MTHFD1: variants seen among roughly 807,000 people sequenced by gnomAD.
MTHFD1 encodes C-1-tetrahydrofolate synthase, cytoplasmic.
Under a neutral mutation model 110.3 loss-of-function variants are expected in MTHFD1, and 44 were observed. The ratio of observed to expected loss-of-function variants is 0.40; its 90% CI spans 0.31 to 0.51. The LOEUF (loss-of-function observed/expected upper bound fraction) is 0.51, where lower values mean the gene tolerates loss of function less well. MTHFD1 is among the 20% of genes least tolerant of loss of function. The pLI, the probability that MTHFD1 is intolerant of heterozygous loss-of-function variation, is 0.60. For missense variants in MTHFD1, 909 were observed against 1,173.1 expected (o/e 0.77, Z 3.29); for synonymous variants, 402 against 428.8 (o/e 0.94, Z 0.77).
chr14:64,411,627 C>T (rs761942845), intron 3 of MTHFD1, among the ~76,000 whole-genome samples: 18 of 152,170 alleles, frequency 1.2e-4, no homozygotes, highest in Non-Finnish European at 1.8e-4. Flanking sequence ...TGGCCGGACG[C>T]GGTGGCTCAC....
intron 16 of MTHFD1, among the ~76,000 whole-genome samples, chr14:64,435,952 A>T (rs2078203003): frequency 1.3e-5 from 2 of 152,242 alleles, no homozygotes; most frequent in Non-Finnish European, 2.9e-5. Context: ...CACATTTTAC[A>T]AATTTAATTT....
intron 18 of MTHFD1, chr14:64,440,934 G>A: frequency 3.7e-6 from 1 of 269,628 alleles, no homozygotes; most frequent in Non-Finnish European, 7.2e-6. Flanking sequence ...GCTCATGCCT[G>A]TAATCCCAGC....
intron 2 of MTHFD1, among the ~76,000 whole-genome samples, chr14:64,404,144 TG>T (rs1397515522): frequency 6.6e-6 from 1 of 152,244 alleles, no homozygotes; most frequent in Non-Finnish European, 1.5e-5. Flanking sequence ...CAAGAGTGTG[TG>T]GGCCACATTA....
intron 1 of MTHFD1, among the ~76,000 whole-genome samples, chr14:64,398,184 T>G (rs1266509776): frequency 6.6e-6 from 1 of 152,018 alleles, no homozygotes; most frequent in African/African-American, 2.4e-5. Context: ...ATTCCAATGG[T>G]CTATTCTTCT....
chr14:64,415,699 T>C lies in MTHFD1; in HGVS notation c.438T>C (p.Pro146=). The stretch of plus-strand genomic sequence containing the variant: ...GTGACCTCAATGACTGTTTCATTCC[T>C]TGTACGCCTAAGGGATGCTTGGAAC... ...ARGDLNDCFI[P]CTPKGCLELI... The change falls in exon 6 of 28, where the codon CCT becomes CCC. Residue 146 remains proline, a synonymous_variant. Transcript: ENST00000652337. The C allele has an allele frequency of 1.2e-6, 2 of 1,614,122 alleles. No homozygotes were observed. The highest frequency in any genetic ancestry group is 4.5e-5 in the East Asian group (2 of 44,878).
Position 64,450,085 on chromosome 14 carries a change from C to T in MTHFD1, c.2457+463C>T, listed in dbSNP as rs372615121. On this transcript the variant is annotated intron_variant, in intron 24 of 27. Coordinates refer to ENST00000652337, the MANE Select transcript of MTHFD1 (RefSeq NM_005956.4). ...AATTACAGGCGTGAGCCACTGCGTC[C>T]GCCCAGACAGCCTTCTTATAAACAT... is the stretch of plus-strand genomic sequence containing the variant. 1.6e-4 allele frequency among the ~76,000 whole-genome samples: 25 copies of T among 152,260 alleles called. No homozygotes were observed. The South Asian group carries it at 4.6e-3, about 28-fold the overall frequency.
intron 17 of MTHFD1, 93 bp from the exon 18 acceptor site, chr14:64,440,033 T>G: frequency 2.5e-6 from 3 of 1,176,786 alleles, no homozygotes; most frequent in Non-Finnish European, 3.7e-6. Context: ...AGCTATTTGT[T>G]TAAGCCTCAG....
At chr14:64,412,034 G>T (rs1243116942) in intron 3 of MTHFD1, among the ~76,000 whole-genome samples, 1 of 152,144 alleles carries the variant, frequency 6.6e-6, no homozygotes, top group African/African-American at 2.4e-5. Flanking sequence ...GGGCTGGGGG[G>T]ATTTACATTG....
At chr14:64,426,228 G>A in intron 11 of MTHFD1, 36 bp downstream of exon 11, 4 of 1,613,344 alleles carry the variant, frequency 2.5e-6, no homozygotes, top group Non-Finnish European at 3.4e-6. Context: ...CCAAATCTTA[G>A]TATCAGTCCT....
intron 1 of MTHFD1, among the ~76,000 whole-genome samples, chr14:64,389,985 G>A (rs756392714): frequency 3.9e-5 from 6 of 152,246 alleles, no homozygotes; most frequent in East Asian, 1.9e-4. Context: ...ATATACTTTC[G>A]TTAATTGGAG....
At chr14:64,440,403 T>G (rs778819244) in intron 18 of MTHFD1, 137 bp downstream of exon 18, 1 of 1,076,942 alleles carries the variant, frequency 9.3e-7, no homozygotes, top group South Asian at 1.3e-5. Context: ...CCTATTTTGC[T>G]AATTACAAGA....
chr14:64,457,004 A>G (rs190307383), intron 26 of MTHFD1, among the ~76,000 whole-genome samples: 1 of 152,348 alleles, frequency 6.6e-6, no homozygotes, highest in Admixed American at 6.5e-5. Flanking sequence ...ACATATTTGC[A>G]TCTAAGTAGA....
At position 64,411,325 on chromosome 14, in the gene MTHFD1, C is replaced by T. The variant is rs552514537; in HGVS notation, c.186+176C>T. On this transcript the variant is annotated intron_variant, in intron 3 of 27. Coordinates refer to ENST00000652337, the MANE Select transcript of MTHFD1 (RefSeq NM_005956.4). ...TTAGATCTGTGGCCTCTGGTTTGCC[C>T]GTGAGTTTTTGTTTTCTCATTAATG... Among the ~76,000 whole-genome samples, 246 of 152,110 alleles carry T rather than the reference C, an allele frequency of 1.6e-3. 1 individual carries two copies. The highest frequency in any genetic ancestry group is 2.5e-3 in the Non-Finnish European group (169 of 68,040).
chr14:64,459,681 A>G, intron 27 of MTHFD1, 78 bp from the exon 28 acceptor site: 2 of 1,232,766 alleles, frequency 1.6e-6, no homozygotes, highest in East Asian at 2.6e-5. Context: ...TGAGTGGGTA[A>G]TGGTGCAGTA....
chr14:64,405,788 C>T (rs1186400726), intron 2 of MTHFD1, among the ~76,000 whole-genome samples: 1 of 152,070 alleles, frequency 6.6e-6, no homozygotes, highest in East Asian at 1.9e-4. Context: ...AAATGCAAGT[C>T]TGATCACAAT....
chr14:64,440,256 C>G lies in MTHFD1; in HGVS notation c.1805C>G (p.Ala602Gly). The G allele has an allele frequency of 1.2e-6, 2 of 1,614,180 alleles. No homozygotes were observed. Among genetic ancestry groups the G allele is most frequent in the Non-Finnish European group, 1.7e-6 (2 of 1,180,032 alleles). ...ASSKKGEPVS[A>G]EDLGVSGALT... ...AGTAAGAAAGGAGAGCCCGTCAGTG[C>G]CGAAGATCTGGTGGGTACCCAGACA... The change falls in exon 18 of 28, where the codon GCC becomes GGC. Residue 602 changes from alanine to glycine, a missense_variant. This residue lies in a region of MTHFD1 where 482 missense variants were observed against 646.0 expected (regional missense o/e 0.75). Transcript: ENST00000652337.
chr14:64,441,597 G>T (rs2078248500), intron 19 of MTHFD1, 144 bp downstream of exon 19: 1 of 708,614 alleles, frequency 1.4e-6, no homozygotes, highest in Non-Finnish European at 2.5e-6. Context: ...ACAAGGTCAG[G>T]AGATCGAGAC....
chr14:64,420,077 G>T (rs762517156), intron 8 of MTHFD1, 152 bp downstream of exon 8: 1 of 714,726 alleles, frequency 1.4e-6, no homozygotes, highest in Admixed American at 2.0e-5. Flanking sequence ...AGAGTTAGTA[G>T]ATAGAAGAGT....
intron 1 of MTHFD1, among the ~76,000 whole-genome samples, chr14:64,393,243 T>A (rs2077820784): frequency 6.6e-6 from 1 of 151,888 alleles, no homozygotes; most frequent in Non-Finnish European, 1.5e-5. Flanking sequence ...CTACTAAAAA[T>A]ACAAAATTAG....
Sources: gnomAD v4.1 joint callset for allele counts (sites outside exome capture counted in the v4.1 genomes callset) on GRCh38, gnomAD v4.1.1 for gene constraint, gnomAD v4.1.1 regional missense constraint, MANE v1.5 for transcripts, NCBI Gene and HGNC (gene_info 2026-07-23, HGNC 2026-07-21) for gene names.